The following ZBBX variants were observed in gnomAD, a reference collection of about 807,000 sequenced individuals.
ZBBX encodes the protein zinc finger B-box domain-containing protein 1.
A neutral mutation model predicts 108.5 loss-of-function variants in ZBBX; 101 were observed. The ratio of observed to expected loss-of-function variants is 0.93; its 90% CI spans 0.79 to 1.10. ZBBX has a LOEUF of 1.10. ZBBX is among the 50% of genes least tolerant of loss of function. The pLI is 0.00. For synonymous variants in ZBBX, 356 were observed against 323.4 expected, an observed-to-expected ratio of 1.10 and a Z score of -1.08; for missense variants, 1,009 against 941.4, an observed-to-expected ratio of 1.07 and a Z score of -0.94.
At chr3:167,399,408 A>G (rs943709295) in intron 1 of ZBBX, 1 of 152,158 alleles carries the variant, frequency 6.6e-6, no homozygotes, top group Non-Finnish European at 1.5e-5. Context: ...CTTCCCTTCT[A>G]CTATTGTCTA....
At chr3:167,218,491 G>C in the ZBBX span, among the ~76,000 whole-genome samples, 1 of 152,058 alleles carries the variant, frequency 6.6e-6, no homozygotes, top group African/African-American at 2.4e-5. Flanking sequence ...TTGCCTTAAA[G>C]TGTAAAGTTT....
At chr3:167,368,674 A>G (rs1745710681) in intron 4 of ZBBX, 100 bp from the exon 5 acceptor site, 3 of 1,304,518 alleles carry the variant, frequency 2.3e-6, no homozygotes, top group South Asian at 2.0e-5. Context: ...TGAATAATAA[A>G]TAAAATATTT....
At chr3:167,259,017 C>T (rs978182145) in intron 20 of ZBBX, among the ~76,000 whole-genome samples, 66 of 152,250 alleles carry the variant, frequency 4.3e-4, no homozygotes, top group African/African-American at 1.2e-3. Context: ...GCTTCTTTCT[C>T]TATCTTGTGG....
chr3:167,362,652 A>G (rs1021319744), intron 6 of ZBBX, among the ~76,000 whole-genome samples: 31 of 152,150 alleles, frequency 2.0e-4, no homozygotes, highest in African/African-American at 7.0e-4. Flanking sequence ...TCAAAAGTTT[A>G]CATCAACTGA....
the ZBBX span, among the ~76,000 whole-genome samples, chr3:167,180,922 C>T: frequency 6.6e-6 from 1 of 152,112 alleles, no homozygotes; most frequent in Non-Finnish European, 1.5e-5. Flanking sequence ...TCCCCATTTA[C>T]CTGATTTTTT....
chr3:167,237,985 T>C (rs1720298992), downstream of ZBBX, among the ~76,000 whole-genome samples: 1 of 151,958 alleles, frequency 6.6e-6, no homozygotes, highest in Non-Finnish European at 1.5e-5. Flanking sequence ...ACCATATTCC[T>C]TTTATCTGAG....
chr3:167,373,973 G>A (rs933979904), intron 2 of ZBBX, among the ~76,000 whole-genome samples, 186 bp from the exon 3 acceptor site: 17 of 152,310 alleles, frequency 1.1e-4, no homozygotes, highest in African/African-American at 3.6e-4. Flanking sequence ...AACTAAAAGT[G>A]AAGGATACAT....
chr3:167,197,032 G>A, the ZBBX span, among the ~76,000 whole-genome samples: 3,904 of 152,136 alleles, frequency 0.026, 183 homozygotes, highest in African/African-American at 0.089. Context: ...AGCAAATATT[G>A]ACATACGGTA....
At chr3:167,243,435 G>C (rs1721026983) in intron 20 of ZBBX, among the ~76,000 whole-genome samples, 1 of 150,556 alleles carries the variant, frequency 6.6e-6, no homozygotes, top group Non-Finnish European at 1.5e-5. Flanking sequence ...TTTCGGTCTT[G>C]TTGCCTGGGC....
intron 2 of ZBBX, among the ~76,000 whole-genome samples, chr3:167,377,541 T>G (rs1355697835): frequency 6.6e-6 from 1 of 152,174 alleles, no homozygotes; most frequent in Non-Finnish European, 1.5e-5. Context: ...TGTTTAGGCA[T>G]TTAGTACCAT....
the ZBBX span, among the ~76,000 whole-genome samples, chr3:167,180,783 G>T: frequency 6.6e-6 from 1 of 152,180 alleles, no homozygotes; most frequent in Non-Finnish European, 1.5e-5. Flanking sequence ...GGATAGTAAA[G>T]AAACAGTCTT....
chr3:167,337,267 G>C (rs4468975), intron 9 of ZBBX, among the ~76,000 whole-genome samples: 125,630 of 152,156 alleles, frequency 0.83, 51,987 homozygotes, highest in East Asian at 0.92. Flanking sequence ...CCTGTAATTC[G>C]AACACTTTGT....
In ZBBX at chr3:167,305,784, G is replaced by C. The variant is rs775962585; in HGVS notation, c.1584C>G (p.Ser528Arg). The change falls in exon 17 of 22, where the codon AGC becomes AGG. Residue 528 changes from serine (S) to arginine (R), a missense_variant. Transcript: ENST00000675490. ...AATCTCTACCTAGCAAAGTGTCCTT[G>C]CTTTCAAGTGATACACAGGAATCAT... is the stretch of plus-strand genomic sequence containing the variant. ...KSDDSCVSLE[S>R]KDTLLGRDLE... The C allele has an allele frequency of 6.2e-7, 1 of 1,612,798 alleles. No individual in the cohort carries two copies. Among genetic ancestry groups the C allele is most frequent in the Admixed American group, 1.7e-5 (1 of 59,866 alleles).
At chr3:167,221,915 C>T in the ZBBX span, among the ~76,000 whole-genome samples, 4 of 151,894 alleles carry the variant, frequency 2.6e-5, no homozygotes, top group Non-Finnish European at 5.9e-5. Flanking sequence ...CAGGCAATAA[C>T]AAAGGCTGGT....
At chr3:167,227,563 T>C in the ZBBX span, among the ~76,000 whole-genome samples, 5 of 151,722 alleles carry the variant, frequency 3.3e-5, no homozygotes, top group African/African-American at 1.2e-4. Flanking sequence ...TAACCTTTAG[T>C]TTCATAAAAA....
chr3:167,328,064 A>T lies in ZBBX; in HGVS notation c.740T>A (p.Leu247Gln). The change falls in exon 11 of 22, where the codon CTG (leucine) becomes CAG (glutamine). Residue 247 changes from leucine (L) to glutamine (Q), a missense_variant. Physicochemically the swap from Leu to Gln is moderately radical, Grantham distance 113. Coordinates refer to ENST00000675490, the MANE Select transcript of ZBBX (RefSeq NM_001199201.2). ...TTCATCGAATGACCCTTCACACAAC[A>T]GACTCTTTCTTGGTTTTGTACGTTG... ...RAQRTKPRKSLLCEGSFDEEA... is the reference protein window; with the variant it reads ...RAQRTKPRKSQLCEGSFDEEA... 6.2e-7 allele frequency: 1 copy of T among 1,613,942 alleles called. No homozygotes were observed. Among genetic ancestry groups the T allele is most frequent in the Non-Finnish European group, 8.5e-7 (1 of 1,179,920 alleles).
intron 19 of ZBBX, among the ~76,000 whole-genome samples, chr3:167,287,852 C>A (rs1298521838): frequency 6.6e-6 from 1 of 152,054 alleles, no homozygotes; most frequent in African/African-American, 2.4e-5. Flanking sequence ...TTATATCTGA[C>A]AGATTCTCAA....
intron 20 of ZBBX, among the ~76,000 whole-genome samples, chr3:167,267,550 A>C (rs893022739): frequency 6.6e-6 from 1 of 152,182 alleles, no homozygotes; most frequent in Non-Finnish European, 1.5e-5. Context: ...ACTAAACATA[A>C]GAAAAAGCAA....
chr3:167,242,565 A>C lies in ZBBX; in HGVS notation c.2333T>G (p.Ile778Ser), dbSNP rs1281686577. The change falls in exon 21 of 22, where the codon ATT becomes AGT. Residue 778 changes from isoleucine to serine, a missense_variant. Coordinates refer to ENST00000675490, the MANE Select transcript of ZBBX (RefSeq NM_001199201.2). ...FSSQSLNISQ[I>S]STDFLKTSHV... ...TGAGGTCTTAAGGAAATCTGTGGAAATCTGACTTATATTCAGTGATTGGCT... is the reference window on the plus strand; with the variant it reads ...TGAGGTCTTAAGGAAATCTGTGGAACTCTGACTTATATTCAGTGATTGGCT... 1.2e-6 allele frequency: 2 copies of C among 1,613,762 alleles called. No individual in the cohort carries two copies. The highest frequency in any genetic ancestry group is 4.5e-5 in the East Asian group (2 of 44,808).
Sources: gnomAD v4.1 joint callset for allele counts (sites outside exome capture counted in the v4.1 genomes callset) on GRCh38, gnomAD v4.1.1 for gene constraint, MANE v1.5 for transcripts, NCBI Gene and HGNC (gene_info 2026-07-23, HGNC 2026-07-21) for gene names.